Variants in SLC38A10 observed in about 807,000 individuals in gnomAD.
SLC38A10 encodes the protein Sodium-coupled neutral amino acid transporter 10.
A neutral mutation model predicts 81.0 loss-of-function variants in SLC38A10; 53 were observed. The observed-to-expected ratio is 0.65, with a 90% CI of 0.53 to 0.82. The LOEUF is 0.82. Among genes scored for constraint, SLC38A10 ranks in the 40% least tolerant of loss-of-function variants. The probability of loss-of-function intolerance (pLI) is 0.00; values close to 1 mark genes in which losing one functional copy is unlikely to be tolerated. For missense variants in SLC38A10, 1,471 were observed against 1,545.0 expected, an observed-to-expected ratio of 0.95 and a Z score of 0.80; for synonymous variants, 665 against 655.3, an observed-to-expected ratio of 1.01 and a Z score of -0.23.
rs1015645023 is a variant in SLC38A10, at chr17:81,286,989, T to C, written c.218-2094A>G. On this transcript the variant is annotated intron_variant, in intron 2 of 15. Coordinates refer to ENST00000374759, the MANE Select transcript of SLC38A10 (RefSeq NM_001037984.3). This position sits in a 1 kb window ranked among gnomAD's most constrained non-coding sequence, Gnocchi z 6.0. The stretch of plus-strand genomic sequence containing the variant: ...CAGCTGAAGGAGGCTGAATGACTGA[T>C]GTATCTGTGTGTCTTCTGAAGAGGG... Among the ~76,000 whole-genome samples the C allele has an allele frequency of 2.6e-5, 4 of 152,308 alleles. No individual in the cohort carries two copies. The highest frequency in any genetic ancestry group is 9.6e-5 in the African/African-American group (4 of 41,560).
At chr17:81,291,108 G>A (rs2063306330) in intron 1 of SLC38A10, among the ~76,000 whole-genome samples, 1 of 152,176 alleles carries the variant, frequency 6.6e-6, no homozygotes, top group African/African-American at 2.4e-5. Context: ...CGTCAGTCAC[G>A]TGAACCTAGC....
chr17:81,285,118 G>A (rs1185492568), intron 2 of SLC38A10: 1 of 432,798 alleles, frequency 2.3e-6, no homozygotes, highest in Non-Finnish European at 4.2e-6. Context: ...AAGGACAGGA[G>A]GCAGGTTCTT....
At position 81,284,845 on chromosome 17, in the gene SLC38A10, C is replaced by T. The variant is rs2063248906; in HGVS notation, c.263+5G>A. The T allele has an allele frequency of 6.5e-7, 1 of 1,541,264 alleles. No individual in the cohort carries two copies. Among genetic ancestry groups the T allele is most frequent in the South Asian group, 1.2e-5 (1 of 82,932 alleles). ...GGGCAAGCGCAGCGGCAGGGCGGGG[C>T]TTACCTGGTCTCCACCAGCATCTTG... On this transcript the variant is annotated splice_donor_5th_base_variant and intron_variant, in intron 3 of 15. Transcript: ENST00000374759.
In SLC38A10 at chr17:81,276,522, G is replaced by A. The variant is rs2063164053; in HGVS notation, c.730-371C>T. Among the ~76,000 whole-genome samples, 1 of 151,888 alleles carries A rather than the reference G, an allele frequency of 6.6e-6. No homozygotes were observed. The highest frequency in any genetic ancestry group is 2.4e-5 in the African/African-American group (1 of 41,338). On this transcript the variant is annotated intron_variant, in intron 7 of 15. Coordinates refer to ENST00000374759, the MANE Select transcript of SLC38A10 (RefSeq NM_001037984.3). This position sits in a 1 kb window ranked among gnomAD's most constrained non-coding sequence, Gnocchi z 4.7. Reference sequence around the variant, plus strand: ...TTCTCCTGCCTCAGCCTCCCGAGTAGCCGGGTTTACATGCACGTGCCACCA... The same window carrying A: ...TTCTCCTGCCTCAGCCTCCCGAGTAACCGGGTTTACATGCACGTGCCACCA...
At chr17:81,259,963 T>C (rs1333039899) in intron 11 of SLC38A10, among the ~76,000 whole-genome samples, 1 of 151,564 alleles carries the variant, frequency 6.6e-6, no homozygotes, top group East Asian at 1.9e-4. Flanking sequence ...GCCCACCGAG[T>C]GGCAGGCATC....
At chr17:81,264,891 C>G (rs1248047926) in intron 10 of SLC38A10, 1 of 152,182 alleles carries the variant, frequency 6.6e-6, no homozygotes, top group Non-Finnish European at 1.5e-5. Context: ...AGCTTTCAGG[C>G]CTTTCAGGGA....
intron 11 of SLC38A10, among the ~76,000 whole-genome samples, chr17:81,257,391 G>A (rs1339806210): frequency 6.6e-6 from 1 of 152,158 alleles, no homozygotes; most frequent in Non-Finnish European, 1.5e-5. Context: ...CTGCTGTACC[G>A]GCCCGGAGAA....
chr17:81,275,740 A>AAAAAAAAAAAAAC, intron 8 of SLC38A10, among the ~76,000 whole-genome samples: 1 of 149,738 alleles, frequency 6.7e-6, no homozygotes, highest in Non-Finnish European at 1.5e-5. Context: ...TCAAAAAAAA[A>AAAAAAAAAAAAAC]GAGAACTGTG....
rs971468671 is a variant in SLC38A10, at chr17:81,283,286, A to T, written c.357+123T>A. The T allele has an allele frequency of 1.2e-6, 1 of 832,756 alleles. No individual in the cohort carries two copies. Among genetic ancestry groups the T allele is most frequent in the African/African-American group, 1.7e-5 (1 of 58,636 alleles). The allele number at this position is 832,756 out of a possible 1,614,324, so 51.6% of individuals were successfully genotyped here. ...CACTCCACCAAGCCCCTAGAATGAC[A>T]GCAGGCTCGACAGAAGCTTCTCCCG... On this transcript the variant is annotated intron_variant, in intron 4 of 15. Transcript: ENST00000374759. This position sits in a 1 kb window ranked among gnomAD's most constrained non-coding sequence, Gnocchi z 4.7.
At chr17:81,269,512 T>C (rs376867458) in intron 10 of SLC38A10, among the ~76,000 whole-genome samples, 214 of 152,212 alleles carry the variant, frequency 1.4e-3, no homozygotes, top group African/African-American at 3.9e-3. Context: ...TGTATTCTAA[T>C]GTACACTGTA....
intron 10 of SLC38A10, among the ~76,000 whole-genome samples, chr17:81,268,248 G>A (rs921640325): frequency 6.6e-6 from 1 of 151,990 alleles, no homozygotes; most frequent in East Asian, 1.9e-4. Flanking sequence ...CCTATCCCCT[G>A]TATGATGGAT....
At chr17:81,259,692 C>T (rs567990798) in intron 11 of SLC38A10, among the ~76,000 whole-genome samples, 2 of 152,282 alleles carry the variant, frequency 1.3e-5, no homozygotes, top group East Asian at 1.9e-4. Flanking sequence ...TGGGGCGCTG[C>T]GGCCGGGACT....
chr17:81,289,693 A>G lies in SLC38A10; in HGVS notation c.215T>C (p.Leu72Pro). The change falls in exon 2 of 16, where the codon CTG becomes CCG. Residue 72 changes from leucine to proline, a missense_variant and splice_region_variant. Physicochemically the swap from Leu to Pro is moderately conservative, Grantham distance 98. Coordinates refer to ENST00000374759, the MANE Select transcript of SLC38A10 (RefSeq NM_001037984.3). This position sits in a 1 kb window ranked among gnomAD's most constrained non-coding sequence, Gnocchi z 5.9. ...ACCTTGTGGAGAGGGCGCCTCACCC[A>G]GGCCGGCGTAGGTCCTCCGCTTGCT... ...SLSKRRTYAG[L>P]AFHAYGKAGK... is the part of the protein sequence containing the mutation. 1 of 1,606,202 alleles carries G rather than the reference A, an allele frequency of 6.2e-7. No homozygotes were observed. Among genetic ancestry groups the G allele is most frequent in the Non-Finnish European group, 8.5e-7 (1 of 1,177,990 alleles).
chr17:81,294,010 G>T (rs2063329590), intron 1 of SLC38A10, among the ~76,000 whole-genome samples: 1 of 152,068 alleles, frequency 6.6e-6, no homozygotes. Context: ...GATCAAATGT[G>T]CAGTTTTTTG....
chr17:81,246,727 G>A (rs573265959), intron 15 of SLC38A10, 54 bp from the exon 16 acceptor site: 464 of 1,500,838 alleles, frequency 3.1e-4, no homozygotes, highest in Non-Finnish European at 3.8e-4. Flanking sequence ...CAGGCTGCCA[G>A]TGGAGGGGCT....
intron 11 of SLC38A10, among the ~76,000 whole-genome samples, chr17:81,255,671 A>T (rs989020656): frequency 6.6e-6 from 1 of 152,194 alleles, no homozygotes; most frequent in Admixed American, 6.5e-5. Flanking sequence ...GTGCTGCCGC[A>T]GGGCAACCAT....
Position 81,245,399 on chromosome 17 carries a change from CTT to C in SLC38A10, c.*155_*156del. The C allele has an allele frequency of 1.1e-6, 1 of 931,434 alleles. No individual in the cohort carries two copies. Among genetic ancestry groups the C allele is most frequent in the Non-Finnish European group, 1.6e-6 (1 of 630,802 alleles). The allele number at this position is 931,434 out of a possible 1,614,324, so 57.7% of individuals were successfully genotyped here. A position where few individuals can be genotyped will look rare whatever the true frequency, so the allele number is the denominator to read the frequency against. ...TTCTGGAAACGATGCCACAGTGAAT[CTT>C]TTATACTGTCACTCACACTTGGTGA... is the stretch of plus-strand genomic sequence containing the variant. On this transcript the variant is annotated 3_prime_UTR_variant, in exon 16 of 16. Transcript: ENST00000374759.
chr17:81,290,510 A>G (rs1225607484), intron 1 of SLC38A10, among the ~76,000 whole-genome samples: 1 of 152,224 alleles, frequency 6.6e-6, no homozygotes, highest in Non-Finnish European at 1.5e-5. Context: ...TGGACTCTGA[A>G]TGCTACAAAC....
At position 81,286,830 on chromosome 17, in the gene SLC38A10, G is replaced by C. The variant is rs2063271280; in HGVS notation, c.218-1935C>G. Among the ~76,000 whole-genome samples the C allele has an allele frequency of 6.6e-6, 1 of 152,202 alleles. No homozygotes were observed. The highest frequency in any genetic ancestry group is 1.5e-5 in the Non-Finnish European group (1 of 68,040). On this transcript the variant is annotated intron_variant, in intron 2 of 15. Coordinates refer to ENST00000374759, the MANE Select transcript of SLC38A10 (RefSeq NM_001037984.3). This position sits in a 1 kb window ranked among gnomAD's most constrained non-coding sequence, Gnocchi z 6.0. ...CGCTGCTCACAACCGAGAACTCAGA[G>C]GCCGCGTGGGGGCCAAACAGTCCCT...
Sources: allele counts gnomAD v4.1 joint callset (sites outside exome capture counted in the v4.1 genomes callset), GRCh38; gene constraint gnomAD v4.1.1; non-coding constraint Gnocchi (gnomAD v3.1); transcripts MANE v1.5; gene names NCBI Gene and HGNC (gene_info 2026-07-23, HGNC 2026-07-21).